Variants in EXOC4 observed in about 807,000 individuals in gnomAD.
EXOC4 encodes exocyst complex component 4.
Under a neutral mutation model 107.2 loss-of-function variants are expected in EXOC4, and 71 were observed. The ratio of observed to expected loss-of-function variants is 0.66; its 90% confidence interval spans 0.55 to 0.81. The LOEUF (loss-of-function observed/expected upper bound fraction) is 0.81, where lower values mean the gene tolerates loss of function less well. EXOC4 is among the 30% of genes least tolerant of loss of function. The pLI, the probability that EXOC4 is intolerant of heterozygous loss-of-function variation, is 0.00. For synonymous variants in EXOC4, 456 were observed against 441.2 expected, an observed-to-expected ratio of 1.03 and a Z score of -0.42; for missense variants, 1,108 against 1,189.6, an observed-to-expected ratio of 0.93 and a Z score of 1.01.
chr7:133,313,327 T>G (rs955955410), intron 4 of EXOC4, among the ~76,000 whole-genome samples: 4 of 152,306 alleles, frequency 2.6e-5, no homozygotes, highest in Admixed American at 1.3e-4. Context: ...AGAATTATTA[T>G]GCCAGCCATT....
chr7:133,866,190 A>G (rs1798637168), intron 11 of EXOC4, among the ~76,000 whole-genome samples: 1 of 152,176 alleles, frequency 6.6e-6, no homozygotes, highest in African/African-American at 2.4e-5. Context: ...CTATACTACA[A>G]ATACTTTAAA....
chr7:133,503,015 A>C (rs1799602703), intron 9 of EXOC4, among the ~76,000 whole-genome samples: 1 of 152,170 alleles, frequency 6.6e-6, no homozygotes, highest in Non-Finnish European at 1.5e-5. Context: ...CTATCTATAA[A>C]TAGTGTAAGA....
intron 10 of EXOC4, among the ~76,000 whole-genome samples, chr7:133,650,937 G>GTTTTTTTTTTTTTTTTTTTT (rs200499348): frequency 3.4e-5 from 3 of 88,692 alleles, no homozygotes; most frequent in East Asian, 2.7e-4. Flanking sequence ...AGATTGGTCA[G>GTTTTTTTTTTTTTTTTTTTT]TTTTTTTTTT....
intron 10 of EXOC4, among the ~76,000 whole-genome samples, chr7:133,649,944 A>T (rs1295479148): frequency 6.6e-6 from 1 of 152,170 alleles, no homozygotes; most frequent in East Asian, 1.9e-4. Context: ...TACTTTGGGG[A>T]AAAATAATTT....
chr7:133,556,868 A>G (rs187183181), intron 9 of EXOC4, among the ~76,000 whole-genome samples: 2 of 152,334 alleles, frequency 1.3e-5, no homozygotes, highest in East Asian at 3.9e-4. Flanking sequence ...GAGCCCAGCT[A>G]GCAAGGAGAC....
intron 4 of EXOC4, among the ~76,000 whole-genome samples, chr7:133,311,095 A>G (rs1034557907): frequency 6.6e-6 from 1 of 152,222 alleles, no homozygotes; most frequent in Admixed American, 6.5e-5. Flanking sequence ...GAAATGAAAC[A>G]AATAAATGGT....
chr7:133,965,819 GT>G (rs1006376159), intron 14 of EXOC4, among the ~76,000 whole-genome samples: 1 of 152,056 alleles, frequency 6.6e-6, no homozygotes, highest in African/African-American at 2.4e-5. Context: ...CTCTTTTTTG[GT>G]TGCATATGAA....
intron 11 of EXOC4, among the ~76,000 whole-genome samples, chr7:133,878,100 C>A (rs1798888186): frequency 6.6e-6 from 1 of 152,172 alleles, no homozygotes; most frequent in Non-Finnish European, 1.5e-5. Flanking sequence ...TACTTCCCTG[C>A]AGAGCAAGAG....
chr7:133,842,598 CTGTT>C (rs1382687018), intron 11 of EXOC4, among the ~76,000 whole-genome samples: 1 of 152,090 alleles, frequency 6.6e-6, no homozygotes, highest in East Asian at 1.9e-4. Flanking sequence ...TGTAGGTTGT[CTGTT>C]TACTCTGTTG....
chr7:133,346,716 G>C (rs1795790803), intron 5 of EXOC4, among the ~76,000 whole-genome samples: 1 of 152,122 alleles, frequency 6.6e-6, no homozygotes, highest in Non-Finnish European at 1.5e-5. Context: ...CTATTCAATA[G>C]TGACAGTTCT....
At chr7:133,754,743 CAT>C (rs1257903137) in intron 10 of EXOC4, among the ~76,000 whole-genome samples, 1 of 152,162 alleles carries the variant, frequency 6.6e-6, no homozygotes. Flanking sequence ...ACAAACATCA[CAT>C]ATTTAGTTAA....
rs143248325 is a variant in EXOC4 at position 133,528,396 on chromosome 7, G to T, written c.1417+48258G>T. Among the ~76,000 whole-genome samples the T allele has an allele frequency of 1.7e-3, 265 of 152,222 alleles. 1 individual carries two copies. The highest frequency in any genetic ancestry group is 6.0e-3 in the African/African-American group (248 of 41,528). Reference sequence around the variant, plus strand: ...TGATTTTACAAATAAACTTAAGTGCGACATCAGTGATTGTGATTTTTGAAT... The same window carrying T: ...TGATTTTACAAATAAACTTAAGTGCTACATCAGTGATTGTGATTTTTGAAT... On this transcript the variant is annotated intron_variant, in intron 9 of 17. Transcript: ENST00000253861.
chr7:133,336,283 C>A (rs185567458), intron 5 of EXOC4, among the ~76,000 whole-genome samples: 7 of 152,244 alleles, frequency 4.6e-5, no homozygotes, highest in Admixed American at 6.5e-5. Flanking sequence ...GGCCTACCCC[C>A]CTGTGTTTTC....
intron 10 of EXOC4, among the ~76,000 whole-genome samples, chr7:133,712,958 G>C (rs148460037): frequency 3.9e-5 from 6 of 152,332 alleles, no homozygotes; most frequent in African/African-American, 1.2e-4. Flanking sequence ...AGGGAAAGGG[G>C]ACAATTGGGA....
intron 17 of EXOC4, among the ~76,000 whole-genome samples, chr7:134,032,035 T>C (rs1328833655): frequency 6.6e-6 from 1 of 152,172 alleles, no homozygotes; most frequent in African/African-American, 2.4e-5. Context: ...AATACTAGCC[T>C]TTCTAGAAAC....
intron 11 of EXOC4, among the ~76,000 whole-genome samples, chr7:133,823,872 T>TTATA (rs1294402537): frequency 1.7e-4 from 2 of 11,602 alleles, no homozygotes; most frequent in Non-Finnish European, 2.7e-4. Flanking sequence ...TATATATATA[T>TTATA]TATATATATA....
intron 17 of EXOC4, among the ~76,000 whole-genome samples, chr7:134,033,086 AT>A (rs1378872813): frequency 1.3e-5 from 2 of 152,204 alleles, no homozygotes; most frequent in Non-Finnish European, 2.9e-5. Flanking sequence ...AAGATGGAAC[AT>A]TGTTAATGGA....
Position 133,574,919 on chromosome 7 carries a change from G to A in EXOC4, c.1418-55126G>A, listed in dbSNP as rs187392057. Reference sequence around the variant, plus strand: ...CCTGTTACAAACAAATTTTTGGATGGGATATTGTAATACAAATGAAACTGT... The same window carrying A: ...CCTGTTACAAACAAATTTTTGGATGAGATATTGTAATACAAATGAAACTGT... On this transcript the variant is annotated intron_variant, in intron 9 of 17. Transcript: ENST00000253861. Among the ~76,000 whole-genome samples, 718 of 152,200 alleles carry A rather than the reference G, an allele frequency of 4.7e-3. 6 individuals carry two copies. Among genetic ancestry groups the A allele is most frequent in the Non-Finnish European group, 4.2e-3 (286 of 68,016 alleles).
chr7:133,418,402 C>T (rs1193542119), intron 7 of EXOC4, among the ~76,000 whole-genome samples: 1 of 152,176 alleles, frequency 6.6e-6, no homozygotes, highest in Admixed American at 6.5e-5. Context: ...TAATCAGGCT[C>T]AGAGTTACTT....
Sources: allele counts gnomAD v4.1 joint callset (sites outside exome capture counted in the v4.1 genomes callset), GRCh38; gene constraint gnomAD v4.1.1; transcripts MANE v1.5; gene names NCBI Gene and HGNC (gene_info 2026-07-23, HGNC 2026-07-21).